The following SLC25A13 variants were observed in gnomAD, a reference collection of about 807,000 sequenced individuals.
The protein encoded by SLC25A13 is solute carrier family 25 member 13, also known as electrogenic aspartate/glutamate antiporter SLC25A13, mitochondrial.
In SLC25A13, 70 loss-of-function variants were observed where a neutral mutation model predicts 85.5. The observed-to-expected ratio is 0.82, with a 90% confidence interval of 0.68 to 1.00. The LOEUF (loss-of-function observed/expected upper bound fraction) is 1.00. SLC25A13 is among the 50% of genes least tolerant of loss of function. The pLI is 0.00. For synonymous variants in SLC25A13, 259 were observed against 288.7 expected (o/e 0.90, Z 1.04); for missense variants, 765 against 819.8 (o/e 0.93, Z 0.82).
chr7:96,313,136 T>C (rs1397544056), intron 1 of SLC25A13, among the ~76,000 whole-genome samples: 2 of 152,206 alleles, frequency 1.3e-5, no homozygotes, highest in Admixed American at 6.5e-5. Flanking sequence ...CAGCTCAAAC[T>C]AAACAGCTAA....
chr7:96,152,464 G>A (rs766879531), intron 13 of SLC25A13, among the ~76,000 whole-genome samples: 1 of 152,190 alleles, frequency 6.6e-6, no homozygotes, highest in Non-Finnish European at 1.5e-5. Flanking sequence ...AGAGGTGGCT[G>A]GGTAATGGAT....
At chr7:96,154,202 A>G (rs933176508) in intron 13 of SLC25A13, among the ~76,000 whole-genome samples, 3 of 152,134 alleles carry the variant, frequency 2.0e-5, no homozygotes, top group Non-Finnish European at 2.9e-5. Flanking sequence ...ATTTACACAC[A>G]TTTTATAAAG....
chr7:96,180,575 C>T (rs1052791583), intron 11 of SLC25A13, among the ~76,000 whole-genome samples: 2 of 152,188 alleles, frequency 1.3e-5, no homozygotes, highest in Admixed American at 6.5e-5. Flanking sequence ...GTGATCCACC[C>T]GCCTCGGTCT....
At chr7:96,301,804 T>A (rs950775495) in intron 1 of SLC25A13, among the ~76,000 whole-genome samples, 3 of 152,068 alleles carry the variant, frequency 2.0e-5, no homozygotes, top group African/African-American at 4.8e-5. Context: ...AATTTTTTAA[T>A]TTTTTTGTAG....
At chr7:96,191,926 T>A (rs911369264) in intron 6 of SLC25A13, among the ~76,000 whole-genome samples, 1 of 152,220 alleles carries the variant, frequency 6.6e-6, no homozygotes, top group Non-Finnish European at 1.5e-5. Context: ...ATGTCCATTA[T>A]GAATGAGACT....
At chr7:96,298,150 T>G (rs1198161203) in intron 1 of SLC25A13, among the ~76,000 whole-genome samples, 5 of 152,206 alleles carry the variant, frequency 3.3e-5, no homozygotes, top group African/African-American at 1.2e-4. Context: ...CCCATGTTGC[T>G]ATCCACAGGG....
intron 15 of SLC25A13, among the ~76,000 whole-genome samples, chr7:96,130,269 C>G (rs1004539882): frequency 6.6e-6 from 1 of 152,160 alleles, no homozygotes; most frequent in African/African-American, 2.4e-5. Context: ...AGACCTTGAT[C>G]TGAGCTCTAC....
intron 2 of SLC25A13, among the ~76,000 whole-genome samples, chr7:96,287,337 G>A (rs1007896461): frequency 2.0e-5 from 3 of 152,106 alleles, no homozygotes; most frequent in Non-Finnish European, 2.9e-5. Context: ...TCCCCCTGAC[G>A]TCATCTCTTA....
At chr7:96,316,610 G>GA (rs1800137057) in intron 1 of SLC25A13, among the ~76,000 whole-genome samples, 1 of 152,204 alleles carries the variant, frequency 6.6e-6, no homozygotes, top group Non-Finnish European at 1.5e-5. Context: ...GCACAAGCGT[G>GA]AGAAATTACT....
chr7:96,287,747 T>C (rs1798945120), intron 2 of SLC25A13, among the ~76,000 whole-genome samples: 1 of 152,228 alleles, frequency 6.6e-6, no homozygotes, highest in Admixed American at 6.5e-5. Flanking sequence ...AGACACCCTC[T>C]ATGGTGTTCC....
intron 13 of SLC25A13, among the ~76,000 whole-genome samples, chr7:96,160,131 GCTATGGCCCAGT>G (rs1464126112): frequency 6.6e-6 from 1 of 152,198 alleles, no homozygotes; most frequent in African/African-American, 2.4e-5. Flanking sequence ...CTGTATGAAA[GCTATGGCCCAGT>G]CTTTCTTCAG....
chr7:96,192,719 A>T (rs1243261712), intron 6 of SLC25A13, among the ~76,000 whole-genome samples: 1 of 151,758 alleles, frequency 6.6e-6, no homozygotes, highest in Non-Finnish European at 1.5e-5. Flanking sequence ...GCATCTAAGA[A>T]GATTAGCAAA....
At chr7:96,277,480 TC>T in intron 2 of SLC25A13, 142 bp from the exon 3 acceptor site, 1 of 778,678 alleles carries the variant, frequency 1.3e-6, no homozygotes, top group Non-Finnish European at 2.0e-6. Context: ...ATGACCATTA[TC>T]TCCCAACAGT....
At chr7:96,187,632 C>A (rs1237209057) in intron 9 of SLC25A13, among the ~76,000 whole-genome samples, 3 of 152,054 alleles carry the variant, frequency 2.0e-5, no homozygotes, top group Non-Finnish European at 4.4e-5. Flanking sequence ...GGAGGAGGGA[C>A]CTACCACCAC....
Position 96,121,184 on chromosome 7 carries a change from G to C in SLC25A13, c.*7C>G. 6.2e-7 allele frequency: 1 copy of C among 1,614,066 alleles called. No individual in the cohort carries two copies. The highest frequency in any genetic ancestry group is 8.5e-7 in the Non-Finnish European group (1 of 1,179,918). The stretch of plus-strand genomic sequence containing the variant: ...AAAAAGACAGCACTATCCCAGGGCT[G>C]ATCTTCCTATGGGCCTCCACCAATA... On this transcript the variant is annotated 3_prime_UTR_variant, in exon 18 of 18. Transcript: ENST00000265631.
Position 96,312,838 on chromosome 7 carries a change from A to C in SLC25A13, c.15+9104T>G, listed in dbSNP as rs533272965. On this transcript the variant is annotated intron_variant, in intron 1 of 17. Coordinates refer to ENST00000265631, the MANE Select transcript of SLC25A13 (RefSeq NM_014251.3). ...GAGCTACAGCAATGGTACAGCTACAAAATAAAGAGGCCCTGAATTTGAACA... is the reference window on the plus strand; with the variant it reads ...GAGCTACAGCAATGGTACAGCTACACAATAAAGAGGCCCTGAATTTGAACA... Among the ~76,000 whole-genome samples the C allele has an allele frequency of 6.6e-5, 10 of 152,322 alleles. No individual in the cohort carries two copies. The South Asian group carries it at 1.9e-3, about 28-fold the overall frequency.
intron 13 of SLC25A13, among the ~76,000 whole-genome samples, chr7:96,152,747 A>G (rs1196738439): frequency 6.6e-6 from 1 of 152,172 alleles, no homozygotes; most frequent in African/African-American, 2.4e-5. Flanking sequence ...TGAAGTGATG[A>G]AAAACCTCTG....
intron 2 of SLC25A13, among the ~76,000 whole-genome samples, chr7:96,296,201 T>TA (rs900439586): frequency 2.6e-5 from 4 of 152,046 alleles, no homozygotes; most frequent in Admixed American, 6.6e-5. Context: ...AATAGGCTTC[T>TA]ACCAGGGAGA....
chr7:96,204,114 TAAATGC>T (rs976641943), intron 5 of SLC25A13, among the ~76,000 whole-genome samples: 1 of 152,220 alleles, frequency 6.6e-6, no homozygotes, highest in Non-Finnish European at 1.5e-5. Flanking sequence ...AAATTACTGG[TAAATGC>T]AAAATTTTAC....
Sources: gnomAD v4.1 joint callset for allele counts (sites outside exome capture counted in the v4.1 genomes callset) on GRCh38, gnomAD v4.1.1 for gene constraint, MANE v1.5 for transcripts, NCBI Gene and HGNC (gene_info 2026-07-23, HGNC 2026-07-21) for gene names.